The following ERICH1 variants were observed in gnomAD, a reference collection of about 807,000 sequenced individuals.
ERICH1 encodes glutamate rich 1.
In ERICH1, 56 loss-of-function variants were observed where a neutral mutation model predicts 39.6. The observed-to-expected ratio is 1.41, with a 90% CI of 1.14 to 1.77. The LOEUF is 1.77. Ranked by LOEUF, ERICH1 falls within the 40% of genes most tolerant of loss-of-function variation. ERICH1 has a pLI of 0.00. For missense variants in ERICH1, 826 were observed against 575.4 expected (o/e 1.44, Z -4.45); for synonymous variants, 313 against 223.6 (o/e 1.40, Z -3.57).
At chr8:651,874 G>A (rs1049355250) in intron 3 of ERICH1, among the ~76,000 whole-genome samples, 2 of 152,220 alleles carry the variant, frequency 1.3e-5, no homozygotes, top group Admixed American at 6.5e-5. Context: ...CCTTGCTTAA[G>A]AGAAAGTGTG....
intron 3 of ERICH1, among the ~76,000 whole-genome samples, chr8:678,979 C>T (rs1401072434): frequency 6.6e-6 from 1 of 152,032 alleles, no homozygotes; most frequent in Non-Finnish European, 1.5e-5. Flanking sequence ...TCAGCTCCGA[C>T]CCCTCACAGC....
chr8:622,894 G>A (rs745832718), intron 3 of ERICH1, among the ~76,000 whole-genome samples: 1 of 151,926 alleles, frequency 6.6e-6, no homozygotes, highest in Non-Finnish European at 1.5e-5. Flanking sequence ...GGAATTCAAG[G>A]CTGCAGTGAG....
rs535974025 is a variant in ERICH1 at position 616,966 on chromosome 8, G to C, written c.977-1682C>G. ...AGGGAGAGGGAGACAGAGACACACA[G>C]AGAGAGAGAGAGAGAGACATTGGTT... is the stretch of plus-strand genomic sequence containing the variant. On this transcript the variant is annotated intron_variant, in intron 3 of 3. Coordinates refer to the ERICH1 transcript ENST00000522706. 3.2e-4 allele frequency among the ~76,000 whole-genome samples: 37 copies of C among 116,142 alleles called. 9 individuals are homozygous for C. The highest frequency in any genetic ancestry group is 1.5e-3 in the Admixed American group (16 of 10,644). 76.2% of individuals were successfully genotyped at this position (116,142 alleles called of 152,430 possible).
At chr8:696,340 C>T (rs865832822) in intron 2 of ERICH1, among the ~76,000 whole-genome samples, 75 of 28,358 alleles carry the variant, frequency 2.6e-3, no homozygotes, top group Middle Eastern at 0.029. Context: ...CTCTCACCCT[C>T]CACTCCTCTC....
chr8:691,185 C>CGCCAGGCGATCCTGAAAGCCT (rs149480221), intron 3 of ERICH1: 16 of 152,270 alleles, frequency 1.1e-4, no homozygotes, highest in African/African-American at 3.9e-4. Context: ...AAGTCACTGG[C>CGCCAGGCGATCCTGAAAGCCT]GCCTGGAGAA....
chr8:643,270 G>C (rs1439795233), intron 3 of ERICH1, among the ~76,000 whole-genome samples: 1 of 151,978 alleles, frequency 6.6e-6, no homozygotes, highest in Non-Finnish European at 1.5e-5. Flanking sequence ...CAGCAGGGAC[G>C]GGAAGCTGGC....
At position 674,986 on chromosome 8, in the gene ERICH1, G is replaced by C. The variant is rs369453493; in HGVS notation, c.305-939C>G. Among the ~76,000 whole-genome samples, 13 of 152,358 alleles carry C rather than the reference G, an allele frequency of 8.5e-5. No homozygotes were observed. In the South Asian group the frequency reaches 2.7e-3, roughly 32 times the overall value. On this transcript the variant is annotated intron_variant, in intron 3 of 5. Transcript: ENST00000262109. ...ACCACTGTGGTGTTGCGGAACAGAA[G>C]AGGTAGCACAGCCAATTCTCACAGG...
chr8:686,284 C>G (rs1048671753), intron 3 of ERICH1, among the ~76,000 whole-genome samples: 5 of 152,138 alleles, frequency 3.3e-5, no homozygotes, highest in Non-Finnish European at 5.9e-5. Context: ...TCACTTCAAG[C>G]TAAAAGCAGT....
chr8:664,754 G>C, intron 5 of ERICH1, 78 bp from the exon 6 acceptor site: 2 of 1,215,906 alleles, frequency 1.6e-6, no homozygotes, highest in Non-Finnish European at 2.3e-6. Flanking sequence ...ATGTAGACAC[G>C]AGCCTTTGGG....
chr8:694,305 G>A lies in ERICH1; in HGVS notation c.170-1693C>T, dbSNP rs139482534. Among the ~76,000 whole-genome samples the A allele has an allele frequency of 1.7e-3, 257 of 152,320 alleles. 3 individuals are homozygous for A. Among genetic ancestry groups the A allele is most frequent in the Non-Finnish European group, 1.1e-3 (73 of 68,036 alleles). ...CCGGAGCCAAGGGCAGATGGAGATG[G>A]CTTCTAAGTACACTGTCCCCTACTG... On this transcript the variant is annotated intron_variant, in intron 2 of 5. Transcript: ENST00000262109.
intron 2 of ERICH1, among the ~76,000 whole-genome samples, chr8:702,135 G>C (rs1468397242): frequency 6.6e-6 from 1 of 151,134 alleles, no homozygotes; most frequent in African/African-American, 2.4e-5. Flanking sequence ...TGTTTGCTGG[G>C]CTTTGAAGCA....
chr8:729,052 C>G (rs1405221984), intron 1 of ERICH1, among the ~76,000 whole-genome samples: 2 of 152,172 alleles, frequency 1.3e-5, no homozygotes, highest in South Asian at 2.1e-4. Context: ...TCAGCAAGCA[C>G]TGCCCTAAAC....
chr8:652,481 C>G (rs536843945), intron 3 of ERICH1, among the ~76,000 whole-genome samples: 1 of 152,244 alleles, frequency 6.6e-6, no homozygotes, highest in South Asian at 2.1e-4. Flanking sequence ...ATAAAGTGAC[C>G]ACGAGCTTGC....
intron 3 of ERICH1, among the ~76,000 whole-genome samples, chr8:681,618 C>G (rs938978866): frequency 6.6e-6 from 1 of 152,216 alleles, no homozygotes; most frequent in East Asian, 1.9e-4. Context: ...CCAGAAGCCA[C>G]AGAACCCATC....
At chr8:674,388 T>C (rs1339485942) in intron 3 of ERICH1, among the ~76,000 whole-genome samples, 5 of 146,576 alleles carry the variant, frequency 3.4e-5, no homozygotes, top group African/African-American at 1.0e-4. Context: ...CTGCAACCTC[T>C]GCCTCCCAGG....
At chr8:720,952 A>G (rs1471106329) in intron 1 of ERICH1, among the ~76,000 whole-genome samples, 1 of 152,170 alleles carries the variant, frequency 6.6e-6, no homozygotes, top group African/African-American at 2.4e-5. Context: ...ACAATGCTTC[A>G]CTCACAGGAG....
At chr8:693,634 C>G (rs974894531) in intron 2 of ERICH1, among the ~76,000 whole-genome samples, 1 of 151,084 alleles carries the variant, frequency 6.6e-6, no homozygotes, top group African/African-American at 2.4e-5. Context: ...GCCCCTCTAC[C>G]AGAGGTCACC....
At chr8:650,721 C>A (rs1016507444) in intron 3 of ERICH1, among the ~76,000 whole-genome samples, 3 of 152,190 alleles carry the variant, frequency 2.0e-5, no homozygotes. Flanking sequence ...GTGCAGCCAC[C>A]CCGCAGCACA....
chr8:696,977 T>G (rs1243429778), intron 2 of ERICH1, among the ~76,000 whole-genome samples: 1 of 152,016 alleles, frequency 6.6e-6, no homozygotes, highest in Non-Finnish European at 1.5e-5. Flanking sequence ...GCACCTGTGC[T>G]TGCTCCTCTT....
Sources: gnomAD v4.1 joint callset for allele counts (sites outside exome capture counted in the v4.1 genomes callset) on GRCh38, gnomAD v4.1.1 for gene constraint, MANE v1.5 for transcripts, NCBI Gene and HGNC (gene_info 2026-07-23, HGNC 2026-07-21) for gene names.